BCL7C: variants seen among roughly 807,000 people sequenced by gnomAD.
BCL7C encodes B-cell CLL/lymphoma 7 protein family member C.
A neutral mutation model predicts 26.2 loss-of-function variants in BCL7C; 8 were observed. The ratio of observed to expected loss-of-function variants is 0.30; its 90% CI spans 0.18 to 0.55. The LOEUF (loss-of-function observed/expected upper bound fraction) is 0.55, where lower values mean the gene tolerates loss of function less well. BCL7C is among the 20% of genes least tolerant of loss of function. The pLI is 0.93. For missense variants in BCL7C, 262 were observed against 298.5 expected, an observed-to-expected ratio of 0.88 and a Z score of 0.90; for synonymous variants, 90 against 116.5, an observed-to-expected ratio of 0.77 and a Z score of 1.47.
At chr16:30,886,749 T>A (rs2055138661), downstream of BCL7C, among the ~76,000 whole-genome samples, 1 of 152,084 alleles carries the variant, frequency 6.6e-6, no homozygotes, top group Non-Finnish European at 1.5e-5. Flanking sequence ...GTGATTGAGA[T>A]GGGGATAAGT....
At chr16:30,837,789 G>A (rs1335779780) in intron 5 of BCL7C, among the ~76,000 whole-genome samples, 1 of 152,216 alleles carries the variant, frequency 6.6e-6, no homozygotes, top group Non-Finnish European at 1.5e-5. Context: ...AGTGCAGAGA[G>A]GAGCTTTCCC....
chr16:30,838,018 C>A lies in BCL7C; in HGVS notation c.529-2870G>T, dbSNP rs187686645. Among the ~76,000 whole-genome samples, 96 of 152,324 alleles carry A rather than the reference C, an allele frequency of 6.3e-4. 1 individual carries two copies. Among genetic ancestry groups the A allele is most frequent in the African/African-American group, 1.9e-3 (77 of 41,580 alleles). Reference sequence around the variant, plus strand: ...TTCAGGCTATTTTCATGAATAGAACCAGGACATTCCAGGCTTGGCTTCTTT... The same window carrying A: ...TTCAGGCTATTTTCATGAATAGAACAAGGACATTCCAGGCTTGGCTTCTTT... On this transcript the variant is annotated intron_variant, in intron 5 of 5. Transcript: ENST00000380317.
chr16:30,841,727 G>A (rs560592293), intron 5 of BCL7C, among the ~76,000 whole-genome samples: 34 of 151,788 alleles, frequency 2.2e-4, no homozygotes, highest in South Asian at 6.3e-4. Flanking sequence ...AGATTGAGGC[G>A]GGCAGATCAC....
intron 5 of BCL7C, among the ~76,000 whole-genome samples, chr16:30,866,592 TG>T (rs999291889): frequency 2.1e-5 from 2 of 96,828 alleles, no homozygotes; most frequent in Non-Finnish European, 4.3e-5. Context: ...AAAAAAAAGG[TG>T]GGGGGGTGGG....
intron 5 of BCL7C, among the ~76,000 whole-genome samples, chr16:30,857,697 G>A (rs1246938429): frequency 2.0e-5 from 3 of 151,748 alleles, no homozygotes; most frequent in African/African-American, 4.8e-5. Context: ...GAGGCCGGGC[G>A]TGGTGGCTCA....
At chr16:30,875,049 C>G (rs1244113649) in intron 5 of BCL7C, among the ~76,000 whole-genome samples, 2 of 152,192 alleles carry the variant, frequency 1.3e-5, no homozygotes, top group Admixed American at 6.5e-5. Context: ...CCTCATCTTT[C>G]CTGACTGCAT....
Position 30,834,760 on chromosome 16 carries a change from G to C in BCL7C, c.*188C>G. 1 of 563,122 alleles carries C rather than the reference G, an allele frequency of 1.8e-6. No individual in the cohort carries two copies. Among genetic ancestry groups the C allele is most frequent in the Non-Finnish European group, 3.1e-6 (1 of 327,090 alleles). The allele number at this position is 563,122 out of a possible 1,614,324, so 34.9% of individuals were successfully genotyped here. On this transcript the variant is annotated 3_prime_UTR_variant, in exon 6 of 6. Coordinates refer to the BCL7C transcript ENST00000380317. The surrounding 1 kb of genome is among the most constrained non-coding windows in gnomAD (Gnocchi z 4.3). ...TGCCCTAAGCCCTTCCCATGCATTC[G>C]GGCGCCAGTGGCGAGCCAGATGGGT...
chr16:30,855,810 C>T (rs1329575266), intron 5 of BCL7C, among the ~76,000 whole-genome samples: 1 of 151,934 alleles, frequency 6.6e-6, no homozygotes, highest in African/African-American at 2.4e-5. Flanking sequence ...CCTGTAATCC[C>T]AGCACTTTGG....
chr16:30,843,639 C>T (rs1028216648), intron 5 of BCL7C, among the ~76,000 whole-genome samples: 2 of 151,952 alleles, frequency 1.3e-5, no homozygotes, highest in African/African-American at 2.4e-5. Flanking sequence ...GGACACTGAG[C>T]GTTACCGGAT....
chr16:30,880,870 T>G (rs2055032355), intron 5 of BCL7C, among the ~76,000 whole-genome samples: 1 of 151,976 alleles, frequency 6.6e-6, no homozygotes, highest in Admixed American at 6.6e-5. Flanking sequence ...GGCTAATTTT[T>G]TTTTAAGTTT....
At chr16:30,866,491 C>T (rs188906194) in intron 5 of BCL7C, among the ~76,000 whole-genome samples, 139 of 150,848 alleles carry the variant, frequency 9.2e-4, no homozygotes, top group African/African-American at 3.1e-3. Context: ...GCATGACAAT[C>T]GCCTGAACCT....
chr16:30,892,270 C>CAAA (rs55772061), intron 4 of BCL7C, among the ~76,000 whole-genome samples: 3 of 44,492 alleles, frequency 6.7e-5, no homozygotes, highest in East Asian at 1.0e-3. Flanking sequence ...GACCCTTTCT[C>CAAA]AAAAAAAAAA....
chr16:30,835,635 C>T (rs1438155024), intron 5 of BCL7C, among the ~76,000 whole-genome samples: 3 of 151,618 alleles, frequency 2.0e-5, no homozygotes, highest in Admixed American at 6.6e-5. Flanking sequence ...CACCTGAGGT[C>T]AGGAGTTGGA....
At chr16:30,851,096 C>A in intron 5 of BCL7C, 1 of 241,516 alleles carries the variant, frequency 4.1e-6, no homozygotes, top group South Asian at 5.3e-5. Flanking sequence ...CTTCGGGATT[C>A]AGCGAACTCT....
chr16:30,884,213 G>C (rs1437093795), downstream of BCL7C, among the ~76,000 whole-genome samples: 1 of 151,678 alleles, frequency 6.6e-6, no homozygotes. Flanking sequence ...TAGGCCCCGT[G>C]ACCAGGAGAG....
rs769264449 is a variant in BCL7C, at chr16:30,893,302, TG to T, written c.93-13del. The T allele has an allele frequency of 1.2e-6, 2 of 1,610,428 alleles. No individual in the cohort carries two copies. Among genetic ancestry groups the T allele is most frequent in the Non-Finnish European group, 1.7e-6 (2 of 1,177,932 alleles). The stretch of plus-strand genomic sequence containing the variant: ...CCCATCGCTTCTCCCTGTGGGAGGG[TG>T]GGGGGCTGGGTCAGAGAGGCCTGAG... On this transcript the variant is annotated splice_polypyrimidine_tract_variant and intron_variant, in intron 1 of 5. Coordinates refer to ENST00000215115, the MANE Select transcript of BCL7C (RefSeq NM_004765.4). The surrounding 1 kb of genome is among the most constrained non-coding windows in gnomAD (Gnocchi z 5.2).
At position 30,893,561 on chromosome 16, in the gene BCL7C, G is replaced by A. The variant is rs968492884; in HGVS notation, c.93-271C>T. ...GGGGGCGTGGCTATGGGCCTGGCCC[G>A]GGATCAGAGCCCTGCAGATCCTGGG... is the stretch of plus-strand genomic sequence containing the variant. On this transcript the variant is annotated intron_variant, in intron 1 of 5. Transcript: ENST00000215115. The surrounding 1 kb of genome is among the most constrained non-coding windows in gnomAD (Gnocchi z 5.2). Among the ~76,000 whole-genome samples the A allele has an allele frequency of 6.6e-6, 1 of 152,086 alleles. No homozygotes were observed. Among genetic ancestry groups the A allele is most frequent in the Non-Finnish European group, 1.5e-5 (1 of 67,988 alleles).
At chr16:30,853,071 G>A (rs2054690623) in intron 5 of BCL7C, among the ~76,000 whole-genome samples, 1 of 151,674 alleles carries the variant, frequency 6.6e-6, no homozygotes, top group Non-Finnish European at 1.5e-5. Flanking sequence ...GAGTAGCTGG[G>A]ATTACAGACA....
At chr16:30,885,359 G>C (rs2055116163), downstream of BCL7C, among the ~76,000 whole-genome samples, 1 of 151,912 alleles carries the variant, frequency 6.6e-6, no homozygotes, top group African/African-American at 2.4e-5. Flanking sequence ...AACCCAGTGA[G>C]ACTAACTTTG....
Sources: allele counts gnomAD v4.1 joint callset (sites outside exome capture counted in the v4.1 genomes callset), GRCh38; gene constraint gnomAD v4.1.1; non-coding constraint Gnocchi (gnomAD v3.1); transcripts MANE v1.5; gene names NCBI Gene and HGNC (gene_info 2026-07-23, HGNC 2026-07-21).